Variants in GABBR2 observed in about 807,000 individuals in gnomAD.
GABBR2 encodes the protein G-protein coupled receptor 51.
Under a neutral mutation model 105.6 loss-of-function variants are expected in GABBR2, and 23 were observed. That is an observed-to-expected ratio of 0.22 (90% confidence interval 0.16 to 0.31). The LOEUF is 0.31. GABBR2 is among the 10% of genes least tolerant of loss of function. GABBR2 has a pLI of 1.00. For synonymous variants in GABBR2, 478 were observed against 499.7 expected, an observed-to-expected ratio of 0.96 and a Z score of 0.58; for missense variants, 734 against 1,245.5, an observed-to-expected ratio of 0.59 and a Z score of 6.18.
At chr9:98,615,041 A>C (rs796104176) in intron 1 of GABBR2, among the ~76,000 whole-genome samples, 78 of 152,050 alleles carry the variant, frequency 5.1e-4, no homozygotes, top group African/African-American at 1.8e-3. Context: ...CTGACACACC[A>C]CTCTGATGGA....
chr9:98,457,819 G>A (rs553809467), intron 6 of GABBR2, among the ~76,000 whole-genome samples: 12 of 152,298 alleles, frequency 7.9e-5, no homozygotes, highest in Middle Eastern at 3.4e-3. Flanking sequence ...AGGAAGAAAC[G>A]CACTCACAAT....
chr9:98,683,534 C>T (rs1263495558), intron 1 of GABBR2, among the ~76,000 whole-genome samples: 2 of 152,134 alleles, frequency 1.3e-5, no homozygotes, highest in Non-Finnish European at 2.9e-5. Flanking sequence ...TACAAATGTC[C>T]GAGATGACTA....
chr9:98,389,256 T>C (rs942565236), intron 9 of GABBR2, among the ~76,000 whole-genome samples: 2 of 152,234 alleles, frequency 1.3e-5, no homozygotes, highest in Non-Finnish European at 2.9e-5. Context: ...ATTAGAAGAC[T>C]AGAATTTGAT....
At chr9:98,367,310 A>AAAT (rs915125556) in intron 12 of GABBR2, among the ~76,000 whole-genome samples, 1 of 151,194 alleles carries the variant, frequency 6.6e-6, no homozygotes, top group African/African-American at 2.5e-5. Flanking sequence ...AAAAAAAAAA[A>AAAT]AAAAATAAGG....
intron 3 of GABBR2, among the ~76,000 whole-genome samples, chr9:98,506,363 G>C (rs1827510504): frequency 6.6e-6 from 1 of 152,214 alleles, no homozygotes; most frequent in South Asian, 2.1e-4. Context: ...GCATATAGTA[G>C]GTGCTCAGAA....
intron 1 of GABBR2, among the ~76,000 whole-genome samples, chr9:98,605,252 C>T (rs535062016): frequency 6.6e-6 from 1 of 152,356 alleles, no homozygotes; most frequent in Non-Finnish European, 1.5e-5. Flanking sequence ...GTCTCAGGTG[C>T]TGTGAGCCCC....
chr9:98,306,441 A>G lies in GABBR2; in HGVS notation c.2005-96T>C. 8.5e-6 allele frequency: 4 copies of G among 468,480 alleles called. No individual in the cohort carries two copies. Among genetic ancestry groups the G allele is most frequent in the Non-Finnish European group, 1.3e-5 (3 of 234,018 alleles). The allele number at this position is 468,480 out of a possible 1,614,324, so 29.0% of individuals were successfully genotyped here. On this transcript the variant is annotated intron_variant, in intron 14 of 18. Transcript: ENST00000259455. The surrounding 1 kb of genome is among the most constrained non-coding windows in gnomAD (Gnocchi z 5.4). The stretch of plus-strand genomic sequence containing the variant: ...GCTGTGGAGTGGAGGGTTACTCAGG[A>G]GGTGGGCTGCAGGGAGGGAGGGTCG...
At chr9:98,676,883 G>C (rs898716226) in intron 1 of GABBR2, among the ~76,000 whole-genome samples, 10 of 152,170 alleles carry the variant, frequency 6.6e-5, no homozygotes, top group Non-Finnish European at 1.3e-4. Flanking sequence ...CAATTTAGCT[G>C]GACAAACACA....
chr9:98,309,900 C>G (rs934925976), intron 14 of GABBR2, among the ~76,000 whole-genome samples: 1 of 152,218 alleles, frequency 6.6e-6, no homozygotes, highest in African/African-American at 2.4e-5. Context: ...CATGGCCTCT[C>G]AAAGGACACA....
chr9:98,515,682 C>T (rs1486414245), intron 3 of GABBR2, among the ~76,000 whole-genome samples: 1 of 152,110 alleles, frequency 6.6e-6, no homozygotes, highest in African/African-American at 2.4e-5. Flanking sequence ...CTCCTCCTTC[C>T]CTTCCCTCCA....
chr9:98,575,093 C>CCA (rs997510948), intron 2 of GABBR2, among the ~76,000 whole-genome samples: 3 of 152,120 alleles, frequency 2.0e-5, no homozygotes, highest in African/African-American at 7.2e-5. Context: ...CACCACCCCC[C>CCA]CCCAAATCTG....
chr9:98,447,659 G>A (rs1246611087), intron 7 of GABBR2, among the ~76,000 whole-genome samples: 4 of 152,012 alleles, frequency 2.6e-5, no homozygotes, highest in Non-Finnish European at 5.9e-5. Flanking sequence ...TGAAATAAAG[G>A]TGGGTTTGAG....
At chr9:98,363,527 C>T (rs1831624394) in intron 12 of GABBR2, among the ~76,000 whole-genome samples, 1 of 152,038 alleles carries the variant, frequency 6.6e-6, no homozygotes, top group Non-Finnish European at 1.5e-5. Context: ...TCTGTTTTCT[C>T]CAGAATTCAC....
chr9:98,459,271 A>G (rs1826381986), intron 6 of GABBR2, among the ~76,000 whole-genome samples: 1 of 152,230 alleles, frequency 6.6e-6, no homozygotes. Context: ...GAAAAGCAGA[A>G]TAAAATATTA....
chr9:98,423,010 A>G (rs990999683), intron 7 of GABBR2, among the ~76,000 whole-genome samples: 67 of 152,252 alleles, frequency 4.4e-4, no homozygotes, highest in African/African-American at 1.5e-3. Context: ...CCAGTCTATC[A>G]TTGTTGGACA....
chr9:98,515,343 G>C (rs772532916), intron 3 of GABBR2, among the ~76,000 whole-genome samples: 3 of 152,148 alleles, frequency 2.0e-5, no homozygotes, highest in South Asian at 2.1e-4. Flanking sequence ...TAAGCTGGAC[G>C]AGCAGTGCGA....
At chr9:98,513,981 A>C (rs1464730925) in intron 3 of GABBR2, among the ~76,000 whole-genome samples, 1 of 152,206 alleles carries the variant, frequency 6.6e-6, no homozygotes, top group Non-Finnish European at 1.5e-5. Context: ...GGGACTATTC[A>C]CAATAGCAAA....
intron 1 of GABBR2, among the ~76,000 whole-genome samples, chr9:98,626,385 G>A (rs998099828): frequency 2.0e-5 from 3 of 152,188 alleles, no homozygotes; most frequent in African/African-American, 7.2e-5. Context: ...TTAAATGGGT[G>A]AATTGTATGT....
rs376998694 is a variant in GABBR2, at chr9:98,530,090, T to TAC, written c.630+11781_630+11782dup. Among the ~76,000 whole-genome samples, 18 of 152,294 alleles carry TAC rather than the reference T, an allele frequency of 1.2e-4. No homozygotes were observed. The East Asian group carries it at 3.5e-3, about 29-fold the overall frequency. The stretch of plus-strand genomic sequence containing the variant: ...TGTACCAGAATAGCTCTAGGGAACC[T>TAC]ACACACTACAAGATGCACTGCCCTG... On this transcript the variant is annotated intron_variant, in intron 3 of 18. Transcript: ENST00000259455.
Sources: allele counts gnomAD v4.1 joint callset (sites outside exome capture counted in the v4.1 genomes callset), GRCh38; gene constraint gnomAD v4.1.1; non-coding constraint Gnocchi (gnomAD v3.1); transcripts MANE v1.5; gene names NCBI Gene and HGNC (gene_info 2026-07-23, HGNC 2026-07-21).